The following SPATA6 variants were observed in gnomAD, a reference collection of about 807,000 sequenced individuals.
SPATA6 encodes spermatogenesis-associated protein 6.
Under a neutral mutation model 65.3 loss-of-function variants are expected in SPATA6, and 56 were observed. The observed-to-expected ratio is 0.86, with a 90% CI of 0.69 to 1.07. SPATA6 has a LOEUF of 1.07. Among genes scored for constraint, SPATA6 ranks in the 50% least tolerant of loss-of-function variants. The probability of loss-of-function intolerance (pLI) is 0.00; values close to 1 mark genes in which losing one functional copy is unlikely to be tolerated. For missense variants in SPATA6, 590 were observed against 594.8 expected, an observed-to-expected ratio of 0.99 and a Z score of 0.08; for synonymous variants, 199 against 213.2, an observed-to-expected ratio of 0.93 and a Z score of 0.58.
At chr1:48,449,255 A>G (rs1340580382) in intron 3 of SPATA6, among the ~76,000 whole-genome samples, 1 of 152,236 alleles carries the variant, frequency 6.6e-6, no homozygotes, top group African/African-American at 2.4e-5. Context: ...GGGATACTAC[A>G]GCTATTAGAT....
chr1:48,328,830 T>C (rs773232623), intron 11 of SPATA6, among the ~76,000 whole-genome samples: 1 of 152,184 alleles, frequency 6.6e-6, no homozygotes, highest in African/African-American at 2.4e-5. Context: ...TAGTTTTCAT[T>C]ATCTCAAGTA....
At chr1:48,432,941 T>C (rs1356229010) in intron 3 of SPATA6, among the ~76,000 whole-genome samples, 1 of 152,228 alleles carries the variant, frequency 6.6e-6, no homozygotes, top group African/African-American at 2.4e-5. Context: ...GGAATATCAT[T>C]CATCTTTAAA....
the SPATA6 span, among the ~76,000 whole-genome samples, chr1:48,288,322 G>T: frequency 6.6e-6 from 1 of 152,188 alleles, no homozygotes; most frequent in African/African-American, 2.4e-5. Flanking sequence ...GTTTGGGAGG[G>T]TCTTCCCTTT....
chr1:48,377,876 A>G (rs1041158380), intron 9 of SPATA6, among the ~76,000 whole-genome samples: 33 of 152,254 alleles, frequency 2.2e-4, no homozygotes, highest in African/African-American at 7.7e-4. Context: ...TAGGTAAGAG[A>G]ATGTGATTAG....
At chr1:48,348,061 T>C (rs915864907) in intron 11 of SPATA6, among the ~76,000 whole-genome samples, 1 of 152,044 alleles carries the variant, frequency 6.6e-6, no homozygotes, top group Non-Finnish European at 1.5e-5. Context: ...TATTATTAAA[T>C]ACTTTCTCCA....
chr1:48,274,784 G>C, the SPATA6 span, among the ~76,000 whole-genome samples: 3 of 152,094 alleles, frequency 2.0e-5, no homozygotes, highest in Admixed American at 6.5e-5. Context: ...GATCCCTCCA[G>C]CTTTATTCTT....
chr1:48,359,820 T>G, intron 9 of SPATA6, 50 bp from the exon 10 acceptor site: 1 of 1,398,426 alleles, frequency 7.2e-7, no homozygotes, highest in Non-Finnish European at 9.7e-7. Flanking sequence ...GATACATATG[T>G]ATATAACATA....
At chr1:48,445,570 G>C (rs2148128165) in intron 3 of SPATA6, among the ~76,000 whole-genome samples, 1 of 143,420 alleles carries the variant, frequency 7.0e-6, no homozygotes, top group African/African-American at 2.6e-5. Context: ...TGAGGCAGGA[G>C]AATGGCGTGA....
chr1:48,453,494 T>C (rs868510586), intron 1 of SPATA6, among the ~76,000 whole-genome samples: 3 of 152,232 alleles, frequency 2.0e-5, no homozygotes, highest in Middle Eastern at 3.4e-3. Flanking sequence ...GGATTAACAC[T>C]CAGCAGAAAT....
At chr1:48,280,582 G>A in the SPATA6 span, among the ~76,000 whole-genome samples, 1 of 152,126 alleles carries the variant, frequency 6.6e-6, no homozygotes, top group Non-Finnish European at 1.5e-5. Flanking sequence ...AGAAAATCTA[G>A]AATAAATGGA....
At chr1:48,273,227 C>T in the SPATA6 span, among the ~76,000 whole-genome samples, 2 of 152,016 alleles carry the variant, frequency 1.3e-5, no homozygotes, top group Non-Finnish European at 2.9e-5. Context: ...CCTTCTTGTA[C>T]GGTTTTGTGG....
intron 1 of SPATA6, among the ~76,000 whole-genome samples, chr1:48,471,074 G>A (rs1018897277): frequency 2.0e-5 from 3 of 152,108 alleles, no homozygotes; most frequent in Non-Finnish European, 4.4e-5. Context: ...AGAATGCAGG[G>A]GAAGAAGTTC....
intron 1 of SPATA6, among the ~76,000 whole-genome samples, chr1:48,464,125 T>C (rs1449995534): frequency 6.6e-6 from 1 of 152,166 alleles, no homozygotes; most frequent in Non-Finnish European, 1.5e-5. Context: ...ACATTTGAAA[T>C]GGCTGAGGTT....
At chr1:48,345,227 T>C (rs543033871) in intron 11 of SPATA6, among the ~76,000 whole-genome samples, 1 of 152,090 alleles carries the variant, frequency 6.6e-6, no homozygotes, top group Non-Finnish European at 1.5e-5. Flanking sequence ...TTGAACAAAC[T>C]GCTCCTGAAT....
chr1:48,388,079 CCCA>C (rs1216733899), intron 8 of SPATA6, among the ~76,000 whole-genome samples: 1 of 152,142 alleles, frequency 6.6e-6, no homozygotes, highest in East Asian at 1.9e-4. Flanking sequence ...CACTCTGGAG[CCCA>C]AGGACAGGCA....
At chr1:48,268,304 A>ATGTGTGTG in the SPATA6 span, among the ~76,000 whole-genome samples, 56 of 149,328 alleles carry the variant, frequency 3.8e-4, no homozygotes, top group African/African-American at 1.3e-3. Flanking sequence ...AAATAAAAAT[A>ATGTGTGTG]TGTGTGTGTG....
chr1:48,444,266 C>T (rs545764991), intron 3 of SPATA6, among the ~76,000 whole-genome samples: 4 of 151,810 alleles, frequency 2.6e-5, no homozygotes, highest in African/African-American at 9.7e-5. Flanking sequence ...TGTAAAAACA[C>T]ACCAATCAGC....
chr1:48,353,247 T>C (rs74601621), intron 11 of SPATA6, among the ~76,000 whole-genome samples: 8,509 of 152,036 alleles, frequency 0.056, 344 homozygotes, highest in African/African-American at 0.1. Context: ...AATGTTTTCA[T>C]GTTCCAATAT....
chr1:48,445,886 A>G (rs921435036), intron 3 of SPATA6, among the ~76,000 whole-genome samples: 5 of 152,066 alleles, frequency 3.3e-5, no homozygotes, highest in Admixed American at 2.0e-4. Context: ...TTTTGCTACT[A>G]TAAATTTTGC....
Sources: allele counts gnomAD v4.1 joint callset (sites outside exome capture counted in the v4.1 genomes callset), GRCh38; gene constraint gnomAD v4.1.1; transcripts MANE v1.5; gene names NCBI Gene and HGNC (gene_info 2026-07-23, HGNC 2026-07-21).